TRANK1: variants seen among roughly 807,000 people sequenced by gnomAD.
TRANK1 encodes the protein TPR and ankyrin repeat-containing protein 1.
Under a neutral mutation model 266.0 loss-of-function variants are expected in TRANK1, and 198 were observed. That is an observed-to-expected ratio of 0.74 (90% CI 0.66 to 0.84). TRANK1 has a LOEUF of 0.84. Ranked by LOEUF, TRANK1 falls within the 40% of genes least tolerant of loss-of-function variation. The pLI is 0.00. For synonymous variants in TRANK1, 1,396 were observed against 1,384.1 expected, an observed-to-expected ratio of 1.01 and a Z score of -0.19; for missense variants, 3,326 against 3,634.6, an observed-to-expected ratio of 0.92 and a Z score of 2.18.
At position 36,828,110 on chromosome 3, in the gene TRANK1, A is replaced by G; in HGVS notation, c.*165T>C. On this transcript the variant is annotated 3_prime_UTR_variant, in exon 24 of 24. Coordinates refer to ENST00000645898, the MANE Select transcript of TRANK1 (RefSeq NM_001329998.2). ...AGAGGTGAGGGAGCAATCAGATCCT[A>G]AGCCACTGAAAGAGAAGTAATGAGA... 1.7e-6 allele frequency: 1 copy of G among 597,948 alleles called. No individual in the cohort carries two copies. The highest frequency in any genetic ancestry group is 2.0e-5 in the South Asian group (1 of 49,518). 37.0% of individuals were successfully genotyped at this position (597,948 alleles called of 1,614,324 possible).
Position 36,828,088 on chromosome 3 carries a change from G to A in TRANK1, c.*187C>T, listed in dbSNP as rs537484842. 5.3e-6 allele frequency: 3 copies of A among 568,036 alleles called. No homozygotes were observed. The highest frequency in any genetic ancestry group is 2.1e-5 in the South Asian group (1 of 47,060). 35.2% of individuals were successfully genotyped at this position (568,036 alleles called of 1,614,324 possible). A position where few individuals can be genotyped will look rare whatever the true frequency, so the allele number is the denominator to read the frequency against. ...AGACTCTACTTGGAAACACTTTAGA[G>A]GTGAGGGAGCAATCAGATCCTAAGC... On this transcript the variant is annotated 3_prime_UTR_variant, in exon 24 of 24. Transcript: ENST00000645898.
At chr3:36,867,415 A>G (rs2125563702) in intron 9 of TRANK1, among the ~76,000 whole-genome samples, 1 of 152,382 alleles carries the variant, frequency 6.6e-6, no homozygotes, top group East Asian at 1.9e-4. Flanking sequence ...ACATGATTAC[A>G]TGGTTCAGAC....
intron 2 of TRANK1, among the ~76,000 whole-genome samples, chr3:36,907,656 G>A (rs1279805308): frequency 1.3e-5 from 2 of 150,964 alleles, no homozygotes; most frequent in African/African-American, 4.9e-5. Flanking sequence ...AATAGAGATG[G>A]GGTTTCACCC....
At chr3:36,905,858 G>A (rs146328934) in intron 2 of TRANK1, among the ~76,000 whole-genome samples, 11 of 152,288 alleles carry the variant, frequency 7.2e-5, no homozygotes, top group Non-Finnish European at 1.2e-4. Context: ...CTGCAAGTAC[G>A]CTGTAAATCA....
At chr3:36,842,268 T>C (rs996162079) in intron 18 of TRANK1, among the ~76,000 whole-genome samples, 1 of 152,250 alleles carries the variant, frequency 6.6e-6, no homozygotes, top group Admixed American at 6.5e-5. Flanking sequence ...ATGAAAGATC[T>C]TTTACTGCTT....
intron 1 of TRANK1, among the ~76,000 whole-genome samples, chr3:36,932,117 C>G (rs1003504724): frequency 6.6e-6 from 1 of 152,030 alleles, no homozygotes; most frequent in Non-Finnish European, 1.5e-5. Flanking sequence ...ATACCAAAAG[C>G]AGAAATCATA....
At chr3:36,925,592 C>CTT (rs766901220) in intron 1 of TRANK1, among the ~76,000 whole-genome samples, 4 of 138,370 alleles carry the variant, frequency 2.9e-5, no homozygotes, top group East Asian at 2.0e-4. Context: ...TTGAATCTTT[C>CTT]TTTTTTTTTT....
intron 8 of TRANK1, among the ~76,000 whole-genome samples, chr3:36,884,006 A>G (rs2079567522): frequency 6.6e-6 from 1 of 152,260 alleles, no homozygotes; most frequent in African/African-American, 2.4e-5. Context: ...TCTAGTCAGT[A>G]AATGTGTTTC....
intron 1 of TRANK1, among the ~76,000 whole-genome samples, chr3:36,908,735 C>T (rs895651874): frequency 6.6e-6 from 1 of 152,214 alleles, no homozygotes; most frequent in African/African-American, 2.4e-5. Flanking sequence ...CATGAGACAA[C>T]ATAAACCTGG....
At chr3:36,891,293 T>G (rs2125604621) in intron 7 of TRANK1, among the ~76,000 whole-genome samples, 1 of 152,086 alleles carries the variant, frequency 6.6e-6, no homozygotes, top group Middle Eastern at 3.4e-3. Flanking sequence ...TGAGCCAATA[T>G]CACGTCACTG....
chr3:36,832,073 A>G lies in TRANK1; in HGVS notation c.7510T>C (p.Phe2504Leu), dbSNP rs13320393. The change falls in exon 22 of 24, where the codon TTC becomes CTC. Residue 2504 changes from phenylalanine (F) to leucine (L), a missense_variant. Phe to Leu is a conservative substitution (Grantham distance 22, BLOSUM62 0). Coordinates refer to ENST00000645898, the MANE Select transcript of TRANK1 (RefSeq NM_001329998.2). ...SKKDKELGDV[F>L]SIIQEYKPKD... Reference sequence around the variant, plus strand: ...GGTTTGTATTCCTGAATGATGGAGAACACATCCCCAAGCTCCTTGTCCTTC... The same window carrying G: ...GGTTTGTATTCCTGAATGATGGAGAGCACATCCCCAAGCTCCTTGTCCTTC... 6.2e-7 allele frequency: 1 copy of G among 1,614,020 alleles called. No individual in the cohort carries two copies. The highest frequency in any genetic ancestry group is 8.5e-7 in the Non-Finnish European group (1 of 1,179,896).
In TRANK1 at chr3:36,888,674, A is replaced by G. The variant is rs148575475; in HGVS notation, c.907+1155T>C. On this transcript the variant is annotated intron_variant, in intron 8 of 23. Coordinates refer to ENST00000645898, the MANE Select transcript of TRANK1 (RefSeq NM_001329998.2). ...TAACCCACCAGACCAGAAGTCCCCAAAAGGAGGCCTTCAGGCTGGTTCTAG... is the reference window on the plus strand; with the variant it reads ...TAACCCACCAGACCAGAAGTCCCCAGAAGGAGGCCTTCAGGCTGGTTCTAG... Among the ~76,000 whole-genome samples the G allele has an allele frequency of 3.9e-5, 6 of 152,286 alleles. No homozygotes were observed. The East Asian group carries it at 7.7e-4, about 20-fold the overall frequency.
At chr3:36,926,731 C>T (rs765940286) in intron 1 of TRANK1, among the ~76,000 whole-genome samples, 7 of 152,156 alleles carry the variant, frequency 4.6e-5, no homozygotes, top group Non-Finnish European at 8.8e-5. Context: ...TGGGAAACAA[C>T]AAAGTTAATG....
chr3:36,879,281 C>T (rs2079437714), intron 8 of TRANK1, among the ~76,000 whole-genome samples: 1 of 151,566 alleles, frequency 6.6e-6, no homozygotes, highest in South Asian at 2.1e-4. Flanking sequence ...GAGAATTTTC[C>T]CCAACATTTA....
chr3:36,898,429 A>G (rs2079824933), intron 4 of TRANK1, among the ~76,000 whole-genome samples: 1 of 151,214 alleles, frequency 6.6e-6, no homozygotes, highest in Non-Finnish European at 1.5e-5. Flanking sequence ...AGCCTGGGCA[A>G]CAAGACTGAA....
chr3:36,911,702 A>G (rs944919194), intron 1 of TRANK1, among the ~76,000 whole-genome samples: 2 of 152,228 alleles, frequency 1.3e-5, no homozygotes, highest in Non-Finnish European at 2.9e-5. Flanking sequence ...TTATATCTCT[A>G]CAATAGAATA....
intron 1 of TRANK1, among the ~76,000 whole-genome samples, chr3:36,940,609 A>C (rs1008232989): frequency 6.6e-6 from 1 of 152,150 alleles, no homozygotes; most frequent in African/African-American, 2.4e-5. Context: ...GTACAGCTCA[A>C]AACTGACCTC....
chr3:36,891,026 A>G (rs1482060106), intron 7 of TRANK1, among the ~76,000 whole-genome samples: 1 of 152,190 alleles, frequency 6.6e-6, no homozygotes, highest in Non-Finnish European at 1.5e-5. Context: ...TGTTTTATCT[A>G]CCAATCTCTG....
At chr3:36,935,863 A>T (rs1374493464) in intron 1 of TRANK1, among the ~76,000 whole-genome samples, 1 of 152,216 alleles carries the variant, frequency 6.6e-6, no homozygotes, top group Non-Finnish European at 1.5e-5. Context: ...CTTACTTATC[A>T]GAGGCAGATG....
Sources: allele counts gnomAD v4.1 joint callset (sites outside exome capture counted in the v4.1 genomes callset), GRCh38; gene constraint gnomAD v4.1.1; transcripts MANE v1.5; gene names NCBI Gene and HGNC (gene_info 2026-07-23, HGNC 2026-07-21).